The following PRDM16 variants were observed in gnomAD, a reference collection of about 807,000 sequenced individuals.
PRDM16 encodes the protein PR/SET domain 16.
A neutral mutation model predicts 110.6 loss-of-function variants in PRDM16; 23 were observed. The observed-to-expected ratio is 0.21, with a 90% CI of 0.15 to 0.29. The LOEUF is 0.29. PRDM16 is among the 10% of genes least tolerant of loss of function. The pLI, the probability that PRDM16 is intolerant of heterozygous loss-of-function variation, is 1.00. For missense variants in PRDM16, 1,615 were observed against 1,794.3 expected (o/e 0.90, Z 1.81); for synonymous variants, 799 against 781.8 (o/e 1.02, Z -0.37).
rs1641985163 is a variant in PRDM16 at position 3,329,019 on chromosome 1, T to TC, written c.439-56127dup. On this transcript the variant is annotated intron_variant, in intron 3 of 16. Coordinates refer to ENST00000270722, the MANE Select transcript of PRDM16 (RefSeq NM_022114.4). ...AGAACAGGGGCCCAGCCAGACCCTT[T>TC]CCCCCCAGGCGAGGAATGGGCGCCT... 3.6e-5 allele frequency among the ~76,000 whole-genome samples: 5 copies of TC among 140,494 alleles called. No homozygotes were observed. The South Asian group carries it at 1.2e-3, about 35-fold the overall frequency. 92.2% of individuals were successfully genotyped at this position (140,494 alleles called of 152,430 possible).
At chr1:3,416,294 C>G (rs906617126) in intron 10 of PRDM16, among the ~76,000 whole-genome samples, 1 of 152,190 alleles carries the variant, frequency 6.6e-6, no homozygotes, top group African/African-American at 2.4e-5. Flanking sequence ...AGCAGGTCTC[C>G]GAAAAGCTGA....
At chr1:3,095,300 G>A (rs1642370892) in intron 1 of PRDM16, among the ~76,000 whole-genome samples, 1 of 149,460 alleles carries the variant, frequency 6.7e-6, no homozygotes, top group Non-Finnish European at 1.5e-5. Context: ...TAGCCGAGAA[G>A]AGGGCTGCGG....
intron 3 of PRDM16, among the ~76,000 whole-genome samples, chr1:3,338,826 T>C (rs1642213747): frequency 6.6e-6 from 1 of 152,160 alleles, no homozygotes; most frequent in African/African-American, 2.4e-5. Flanking sequence ...CATGCCACCG[T>C]CCTGTTTTCT....
intron 3 of PRDM16, among the ~76,000 whole-genome samples, chr1:3,277,849 A>G (rs974844557): frequency 6.6e-6 from 1 of 152,236 alleles, no homozygotes; most frequent in Non-Finnish European, 1.5e-5. Context: ...GCACAGGCAC[A>G]TGTGCATAAC....
At chr1:3,334,950 C>T (rs1642114474) in intron 3 of PRDM16, among the ~76,000 whole-genome samples, 1 of 152,214 alleles carries the variant, frequency 6.6e-6, no homozygotes, top group Admixed American at 6.5e-5. Flanking sequence ...CGTCCAACCC[C>T]ATAGGATGTG....
rs913003381 is a variant in PRDM16, at chr1:3,435,256, CTTATT to C, written c.*1452_*1456del. 35 of 221,680 alleles carry C rather than the reference CTTATT, an allele frequency of 1.6e-4. No individual in the cohort carries two copies. Among genetic ancestry groups the C allele is most frequent in the Non-Finnish European group, 2.3e-4 (26 of 110,974 alleles). 13.7% of individuals were successfully genotyped at this position (221,680 alleles called of 1,614,324 possible). On this transcript the variant is annotated 3_prime_UTR_variant, in exon 17 of 17. Transcript: ENST00000270722. ...TAATTTTTTCTAATTCATTTCTTTT[CTTATT>C]TTATTTCCTCCTTAACAGTATTTTT...
Position 3,244,008 on chromosome 1 carries a change from GC to G in PRDM16, c.388-74del, listed in dbSNP as rs1639731258. 6.9e-7 allele frequency: 1 copy of G among 1,445,528 alleles called. No homozygotes were observed. The highest frequency in any genetic ancestry group is 1.7e-5 in the Admixed American group (1 of 59,696). The allele number at this position is 1,445,528 out of a possible 1,614,324, so 89.5% of individuals were successfully genotyped here. Reference sequence around the variant, plus strand: ...TGTGACTTTTGGGGACAGTGGTTCTGCCCCCACCATTTAGAACCCAGTGTAG... The same window carrying G: ...TGTGACTTTTGGGGACAGTGGTTCTGCCCCACCATTTAGAACCCAGTGTAG... On this transcript the variant is annotated intron_variant, in intron 2 of 16. Coordinates refer to ENST00000270722, the MANE Select transcript of PRDM16 (RefSeq NM_022114.4). This position sits in a 1 kb window ranked among gnomAD's most constrained non-coding sequence, Gnocchi z 4.1.
rs1446899871 is a variant in PRDM16, at chr1:3,143,292, C to A, written c.38-42833C>A. Among the ~76,000 whole-genome samples, 5 of 152,164 alleles carry A rather than the reference C, an allele frequency of 3.3e-5. No individual in the cohort carries two copies. The highest frequency in any genetic ancestry group is 6.5e-5 in the Admixed American group (1 of 15,292). On this transcript the variant is annotated intron_variant, in intron 1 of 16. Transcript: ENST00000270722. The surrounding 1 kb of genome is among the most constrained non-coding windows in gnomAD (Gnocchi z 4.5). ...CGGGAAGTGTGGACATGGGTCCGGG[C>A]TGAGGACTTCGTCAGGTGTCAGGAC...
intron 1 of PRDM16, among the ~76,000 whole-genome samples, chr1:3,170,931 G>T (rs1644018217): frequency 6.6e-6 from 1 of 152,406 alleles, no homozygotes; most frequent in African/African-American, 2.4e-5. Context: ...AGCTCCCAGA[G>T]CTCGGGCTGA....
Position 3,211,828 on chromosome 1 carries a change from C to T in PRDM16, c.387+25354C>T, listed in dbSNP as rs1437497645. 3.9e-5 allele frequency among the ~76,000 whole-genome samples: 6 copies of T among 152,332 alleles called. No homozygotes were observed. In the South Asian group the frequency reaches 6.2e-4, roughly 16 times the overall value. Reference sequence around the variant, plus strand: ...GCGTGTGCACGTGTGCATGCGTGTGCGTGCGCGTGCATCCACGCCTGGCGG... The same window carrying T: ...GCGTGTGCACGTGTGCATGCGTGTGTGTGCGCGTGCATCCACGCCTGGCGG... On this transcript the variant is annotated intron_variant, in intron 2 of 16. Transcript: ENST00000270722.
At chr1:3,137,966 G>A (rs1395557517) in intron 1 of PRDM16, among the ~76,000 whole-genome samples, 1 of 152,230 alleles carries the variant, frequency 6.6e-6, no homozygotes, top group Non-Finnish European at 1.5e-5. Flanking sequence ...ACTGTGGCTG[G>A]AGGGTCCGTC....
intron 1 of PRDM16, among the ~76,000 whole-genome samples, chr1:3,114,402 ACACACACG>A (rs1642892442): frequency 9.6e-6 from 1 of 104,198 alleles, no homozygotes; most frequent in African/African-American, 4.3e-5. Context: ...ACGCACGCGC[ACACACACG>A]CACACACATG....
chr1:3,247,204 A>T (rs1639808743), intron 3 of PRDM16, among the ~76,000 whole-genome samples: 1 of 152,058 alleles, frequency 6.6e-6, no homozygotes, highest in African/African-American at 2.4e-5. Flanking sequence ...CAGTTCATCC[A>T]CCTCTGGGAG....
At chr1:3,322,364 G>A (rs963420025) in intron 3 of PRDM16, among the ~76,000 whole-genome samples, 4 of 152,136 alleles carry the variant, frequency 2.6e-5, no homozygotes, top group Non-Finnish European at 5.9e-5. Flanking sequence ...TTCCCCTCCG[G>A]AGCCTATAAA....
In PRDM16 at chr1:3,110,729, G is replaced by A. The variant is rs575029223; in HGVS notation, c.37+41433G>A. 3.3e-5 allele frequency among the ~76,000 whole-genome samples: 5 copies of A among 152,336 alleles called. No homozygotes were observed. In the South Asian group the frequency reaches 6.2e-4, roughly 19 times the overall value. On this transcript the variant is annotated intron_variant, in intron 1 of 16. Coordinates refer to ENST00000270722, the MANE Select transcript of PRDM16 (RefSeq NM_022114.4). ...TGGTGTGAACTTTCCTTCTCCTCAC[G>A]TGGCATCTCTGAGTTGTGGGCTTCC...
At chr1:3,229,588 G>A (rs2100882053) in intron 2 of PRDM16, among the ~76,000 whole-genome samples, 1 of 152,354 alleles carries the variant, frequency 6.6e-6, no homozygotes, top group South Asian at 2.1e-4. Context: ...CTCACAGGCA[G>A]GATGGCAGAA....
Position 3,435,572 on chromosome 1 carries a change from GA to G in PRDM16, c.*1769del, listed in dbSNP as rs910921052. 74 of 231,526 alleles carry G rather than the reference GA, an allele frequency of 3.2e-4. No individual in the cohort carries two copies. The highest frequency in any genetic ancestry group is 1.6e-3 in the African/African-American group (72 of 45,138). The allele number at this position is 231,526 out of a possible 1,614,324, so 14.3% of individuals were successfully genotyped here. A position where few individuals can be genotyped will look rare whatever the true frequency, so the allele number is the denominator to read the frequency against. On this transcript the variant is annotated 3_prime_UTR_variant, in exon 17 of 17. Transcript: ENST00000270722. The stretch of plus-strand genomic sequence containing the variant: ...TGATGATAGAGTCCCAAAAAGAAGA[GA>G]AAAAAAATGCCCAAGTTGCCCTTTA...
At chr1:3,335,052 C>T (rs1642116397) in intron 3 of PRDM16, among the ~76,000 whole-genome samples, 1 of 152,194 alleles carries the variant, frequency 6.6e-6, no homozygotes, top group South Asian at 2.1e-4. Flanking sequence ...CCAGAGAGGA[C>T]GGGGTGGCAG....
At chr1:3,336,540 G>C (rs111574736) in intron 3 of PRDM16, among the ~76,000 whole-genome samples, 3 of 152,060 alleles carry the variant, frequency 2.0e-5, no homozygotes, top group Non-Finnish European at 4.4e-5. Flanking sequence ...GTGAATCTGT[G>C]TGTGAGTGCA....
Sources: allele counts gnomAD v4.1 joint callset (sites outside exome capture counted in the v4.1 genomes callset), GRCh38; gene constraint gnomAD v4.1.1; non-coding constraint Gnocchi (gnomAD v3.1); transcripts MANE v1.5; gene names NCBI Gene and HGNC (gene_info 2026-07-23, HGNC 2026-07-21).